The following CPA3 variants were observed in gnomAD, a reference collection of about 807,000 sequenced individuals.
CPA3 encodes carboxypeptidase A3, also known as mast cell carboxypeptidase A.
In CPA3, 52 loss-of-function variants were observed where a neutral mutation model predicts 55.8. The ratio of observed to expected loss-of-function variants is 0.93; its 90% CI spans 0.75 to 1.17. The LOEUF (loss-of-function observed/expected upper bound fraction) is 1.17, where lower values mean the gene tolerates loss of function less well. CPA3 is among the 50% of genes most tolerant of loss of function. The pLI, the probability that CPA3 is intolerant of heterozygous loss-of-function variation, is 0.00. For missense variants in CPA3, 547 were observed against 509.1 expected, an observed-to-expected ratio of 1.07 and a Z score of -0.72; for synonymous variants, 179 against 171.2, an observed-to-expected ratio of 1.05 and a Z score of -0.36.
At chr3:148,888,012 T>A (rs1314221529) in intron 10 of CPA3, among the ~76,000 whole-genome samples, 1 of 152,228 alleles carries the variant, frequency 6.6e-6, no homozygotes, top group Non-Finnish European at 1.5e-5. Flanking sequence ...ATTTAACTTT[T>A]AAAAATTTCA....
Position 148,865,568 on chromosome 3 carries a change from T to A in CPA3, c.144+20T>A. On this transcript the variant is annotated intron_variant, in intron 2 of 10. Coordinates refer to ENST00000296046, the MANE Select transcript of CPA3 (RefSeq NM_001870.4). ...AATGAGGTAAGCATTTAGAGGGATA[T>A]TTTATCTTTTCTTACTGTTCTCTAA... 6.3e-7 allele frequency: 1 copy of A among 1,599,674 alleles called. No individual in the cohort carries two copies. The highest frequency in any genetic ancestry group is 8.6e-7 in the Non-Finnish European group (1 of 1,168,818).
intron 10 of CPA3, among the ~76,000 whole-genome samples, chr3:148,889,225 A>G (rs1428615248): frequency 6.6e-6 from 1 of 152,232 alleles, no homozygotes; most frequent in East Asian, 1.9e-4. Flanking sequence ...GAAACAGGGT[A>G]GCAAAGCAGT....
chr3:148,890,756 T>C (rs1192193609), intron 10 of CPA3, among the ~76,000 whole-genome samples: 1 of 152,216 alleles, frequency 6.6e-6, no homozygotes, highest in Non-Finnish European at 1.5e-5. Context: ...AAGCAATAAA[T>C]GCAGCACACA....
chr3:148,865,545 T>A lies in CPA3; in HGVS notation c.141T>A (p.Asn47Lys), dbSNP rs758483100. ...ADIIKDLAKTNELDFWYPGAT... is the reference protein window; with the variant it reads ...ADIIKDLAKTKELDFWYPGAT... The stretch of plus-strand genomic sequence containing the variant: ...TCATAAAGGACTTGGCCAAAACCAA[T>A]GAGGTAAGCATTTAGAGGGATATTT... The change falls in exon 2 of 11, where the codon AAT (asparagine) becomes AAA (lysine). Residue 47 changes from asparagine (N) to lysine (K), a missense_variant. By Grantham distance (94) the Asn-to-Lys change is moderately conservative. Transcript: ENST00000296046. 1.2e-6 allele frequency: 2 copies of A among 1,613,468 alleles called. No homozygotes were observed. The highest frequency in any genetic ancestry group is 1.7e-6 in the Non-Finnish European group (2 of 1,179,516).
intron 10 of CPA3, among the ~76,000 whole-genome samples, chr3:148,892,513 T>A (rs1432591483): frequency 6.6e-6 from 1 of 151,556 alleles, no homozygotes; most frequent in Non-Finnish European, 1.5e-5. Flanking sequence ...ATTAGCTAGG[T>A]GTGGTGGTAC....
intron 10 of CPA3, among the ~76,000 whole-genome samples, chr3:148,889,082 T>A (rs1714604135): frequency 6.6e-6 from 1 of 152,204 alleles, no homozygotes; most frequent in African/African-American, 2.4e-5. Flanking sequence ...TACTACAACA[T>A]TTTAAAGGCA....
chr3:148,892,186 T>C (rs1054352371), intron 10 of CPA3, among the ~76,000 whole-genome samples: 1 of 152,148 alleles, frequency 6.6e-6, no homozygotes, highest in Non-Finnish European at 1.5e-5. Flanking sequence ...ATATGGATAC[T>C]TCCTCAGGTT....
At position 148,865,304 on chromosome 3, in the gene CPA3, A is replaced by G. The variant is rs1363071484; in HGVS notation, c.-4A>G. The G allele has an allele frequency of 6.2e-7, 1 of 1,613,968 alleles. No individual in the cohort carries two copies. The highest frequency in any genetic ancestry group is 2.2e-5 in the East Asian group (1 of 44,866). ...GAGGGTCTCAAGGCAGGCAAAGAAGAACCATGAGGCTCATCCTGCCTGTGG... is the reference window on the plus strand; with the variant it reads ...GAGGGTCTCAAGGCAGGCAAAGAAGGACCATGAGGCTCATCCTGCCTGTGG... On this transcript the variant is annotated 5_prime_UTR_variant, in exon 1 of 11. Coordinates refer to ENST00000296046, the MANE Select transcript of CPA3 (RefSeq NM_001870.4).
Position 148,871,460 on chromosome 3 carries a change from A to C in CPA3, c.269+2421A>C, listed in dbSNP as rs191395428. 1.5e-3 allele frequency among the ~76,000 whole-genome samples: 222 copies of C among 152,366 alleles called. 1 individual carries two copies. Among genetic ancestry groups the C allele is most frequent in the African/African-American group, 5.1e-3 (211 of 41,592 alleles). ...GAAAAGCTAGTTGCTTGGCATGAGCATGAATAGTGGAGTAAATCACTGTAA... is the reference window on the plus strand; with the variant it reads ...GAAAAGCTAGTTGCTTGGCATGAGCCTGAATAGTGGAGTAAATCACTGTAA... On this transcript the variant is annotated intron_variant, in intron 3 of 10. Transcript: ENST00000296046.
chr3:148,876,468 C>T (rs1553769199), intron 3 of CPA3, among the ~76,000 whole-genome samples: 1 of 151,958 alleles, frequency 6.6e-6, no homozygotes, highest in Non-Finnish European at 1.5e-5. Flanking sequence ...CCTCCACCTC[C>T]TGGGTTCAAG....
intron 8 of CPA3, 139 bp downstream of exon 8, chr3:148,882,734 C>A: frequency 1.5e-6 from 1 of 662,468 alleles, no homozygotes; most frequent in Non-Finnish European, 2.7e-6. Context: ...ACATGAAAGA[C>A]AATCATCACT....
At chr3:148,876,799 A>T (rs1175253165) in intron 3 of CPA3, among the ~76,000 whole-genome samples, 1 of 152,240 alleles carries the variant, frequency 6.6e-6, no homozygotes, top group Non-Finnish European at 1.5e-5. Context: ...AGGCATAAGA[A>T]AAAAGATTAA....
intron 10 of CPA3, among the ~76,000 whole-genome samples, chr3:148,896,044 A>C (rs1714818322): frequency 6.6e-6 from 1 of 152,206 alleles, no homozygotes; most frequent in African/African-American, 2.4e-5. Flanking sequence ...AAATAACTAA[A>C]TTACATTTTC....
intron 10 of CPA3, among the ~76,000 whole-genome samples, chr3:148,892,536 C>G (rs1714699925): frequency 6.6e-6 from 1 of 151,608 alleles, no homozygotes. Flanking sequence ...ACCTGTAGTC[C>G]CAGCTACTCA....
chr3:148,869,019 T>C lies in CPA3; in HGVS notation c.249T>C (p.Asp83=). The part of the protein sequence containing the change: ...KESQAIQSAL[D]QNKMHYEILI... ...CCCAAGCCATCCAGTCTGCCTTGGA[T>C]CAAAATAAAATGCACTATGAGTAAG... Residue 83 remains aspartate (D), a synonymous_variant, in exon 3 of 11, where the codon GAT becomes GAC. Coordinates refer to ENST00000296046, the MANE Select transcript of CPA3 (RefSeq NM_001870.4). 6.2e-7 allele frequency: 1 copy of C among 1,613,990 alleles called. No homozygotes were observed. Among genetic ancestry groups the C allele is most frequent in the Non-Finnish European group, 8.5e-7 (1 of 1,179,918 alleles).
chr3:148,883,339 G>A (rs939262429), intron 8 of CPA3, among the ~76,000 whole-genome samples: 1 of 152,130 alleles, frequency 6.6e-6, no homozygotes, highest in Non-Finnish European at 1.5e-5. Context: ...TCCAAGTCAT[G>A]GCTGCTTCTG....
intron 10 of CPA3, among the ~76,000 whole-genome samples, chr3:148,895,806 CA>C (rs555673620): frequency 6.6e-6 from 1 of 151,554 alleles, no homozygotes; most frequent in Non-Finnish European, 1.5e-5. Flanking sequence ...CCTTCACATA[CA>C]AAAAAAACCT....
At chr3:148,872,585 A>C (rs1576579940) in intron 3 of CPA3, among the ~76,000 whole-genome samples, 1 of 152,226 alleles carries the variant, frequency 6.6e-6, no homozygotes, top group African/African-American at 2.4e-5. Context: ...TAACTGCCTA[A>C]TAATAATGTT....
At chr3:148,888,578 A>G (rs1468758940) in intron 10 of CPA3, among the ~76,000 whole-genome samples, 2 of 152,250 alleles carry the variant, frequency 1.3e-5, no homozygotes, top group Non-Finnish European at 2.9e-5. Flanking sequence ...GATCAGTTTA[A>G]AATGGCAGCC....
Sources: allele counts gnomAD v4.1 joint callset (sites outside exome capture counted in the v4.1 genomes callset), GRCh38; gene constraint gnomAD v4.1.1; transcripts MANE v1.5; gene names NCBI Gene and HGNC (gene_info 2026-07-23, HGNC 2026-07-21).